The following INA variants were observed in gnomAD, a reference collection of about 807,000 sequenced individuals.
INA encodes the protein internexin neuronal intermediate filament protein alpha.
INA carries 35 observed loss-of-function variants against 40.1 expected under a neutral mutation model. The observed-to-expected ratio is 0.87, with a 90% CI of 0.67 to 1.16. The LOEUF is 1.16. INA is among the 50% of genes most tolerant of loss of function. The pLI is 0.00. For missense variants in INA, 594 were observed against 686.7 expected, an observed-to-expected ratio of 0.87 and a Z score of 1.51; for synonymous variants, 290 against 316.9, an observed-to-expected ratio of 0.92 and a Z score of 0.90.
chr10:103,277,193 C>G lies in INA; in HGVS notation c.-19C>G. 6.4e-7 allele frequency: 1 copy of G among 1,563,462 alleles called. No individual in the cohort carries two copies. The highest frequency in any genetic ancestry group is 1.2e-5 in the South Asian group (1 of 86,136). The stretch of plus-strand genomic sequence containing the variant: ...GTAGCTCGCGTTGAAGCCGCACGTC[C>G]GGCCCCGATCCCGGCACCATGAGCT... On this transcript the variant is annotated 5_prime_UTR_variant, in exon 1 of 3. Coordinates refer to ENST00000369849, the MANE Select transcript of INA (RefSeq NM_032727.4). This position sits in a 1 kb window ranked among gnomAD's most constrained non-coding sequence, Gnocchi z 5.6.
chr10:103,287,196 T>G, intron 2 of INA, 37 bp downstream of exon 2: 1 of 1,601,808 alleles, frequency 6.2e-7, no homozygotes, highest in Non-Finnish European at 8.5e-7. Flanking sequence ...GTAAATCCAG[T>G]CACCTAGGGG....
rs1018902052 is a variant in INA at position 103,278,371 on chromosome 10, A to G, written c.1065+95A>G. ...AAACTGGGCCCCAGGACTTAAGGGG[A>G]GGGCAAAAGAGAGGAGAGAAGAGCC... On this transcript the variant is annotated intron_variant, in intron 1 of 2. Coordinates refer to ENST00000369849, the MANE Select transcript of INA (RefSeq NM_032727.4). This position sits in a 1 kb window ranked among gnomAD's most constrained non-coding sequence, Gnocchi z 4.9. The G allele has an allele frequency of 4.4e-5, 45 of 1,031,600 alleles. No homozygotes were observed. Among genetic ancestry groups the G allele is most frequent in the Non-Finnish European group, 6.2e-5 (45 of 728,018 alleles). The allele number at this position is 1,031,600 out of a possible 1,614,324, so 63.9% of individuals were successfully genotyped here.
rs755214403 is a variant in INA, at chr10:103,277,166, C to T, written c.-46C>T. The T allele has an allele frequency of 5.2e-6, 8 of 1,529,922 alleles. No homozygotes were observed. Among genetic ancestry groups the T allele is most frequent in the African/African-American group, 1.4e-5 (1 of 69,214 alleles). 94.8% of individuals were successfully genotyped at this position (1,529,922 alleles called of 1,614,324 possible). A position where few individuals can be genotyped will look rare whatever the true frequency, so the allele number is the denominator to read the frequency against. The stretch of plus-strand genomic sequence containing the variant: ...CTGCCTGCCGCACCTCTCCTTTCTT[C>T]TGTAGCTCGCGTTGAAGCCGCACGT... On this transcript the variant is annotated 5_prime_UTR_variant, in exon 1 of 3. Coordinates refer to ENST00000369849, the MANE Select transcript of INA (RefSeq NM_032727.4). This position sits in a 1 kb window ranked among gnomAD's most constrained non-coding sequence, Gnocchi z 5.6.
chr10:103,281,880 T>A (rs1185869049), intron 1 of INA, among the ~76,000 whole-genome samples: 1 of 152,152 alleles, frequency 6.6e-6, no homozygotes, highest in Middle Eastern at 3.2e-3. Context: ...TTGTCTTAGC[T>A]CCTCCAGGAG....
chr10:103,280,919 A>C, intron 1 of INA: 1 of 985,416 alleles, frequency 1.0e-6, no homozygotes, highest in Non-Finnish European at 1.2e-6. Context: ...ACATTCTTGG[A>C]GGGTACTCAG....
At position 103,288,381 on chromosome 10, in the gene INA, G is replaced by A. The variant is rs1190616044; in HGVS notation, c.1212G>A (p.Glu404=). The A allele has an allele frequency of 4.4e-6, 7 of 1,600,752 alleles. No individual in the cohort carries two copies. The highest frequency in any genetic ancestry group is 5.9e-6 in the Non-Finnish European group (7 of 1,176,560). Residue 404 remains glutamate, a synonymous_variant, in exon 3 of 3, where the codon GAG becomes GAA. Coordinates refer to ENST00000369849, the MANE Select transcript of INA (RefSeq NM_032727.4). ...ACAGGAAACTGCTGGAAGGCGAGGA[G>A]ACACGTTTTAGCACCAGTGGGTTAA... ...AAYRKLLEGE[E]TRFSTSGLSI... is the part of the protein sequence containing the mutation.
chr10:103,286,249 C>T (rs779082372), intron 1 of INA, among the ~76,000 whole-genome samples: 6 of 148,126 alleles, frequency 4.1e-5, no homozygotes, highest in Non-Finnish European at 7.4e-5. Flanking sequence ...ACAGGAAGAT[C>T]GCTTGAGCCC....
Position 103,277,421 on chromosome 10 carries a change from G to A in INA, c.210G>A (p.Pro70=). 6.4e-7 allele frequency: 1 copy of A among 1,560,766 alleles called. No homozygotes were observed. Among genetic ancestry groups the A allele is most frequent in the Non-Finnish European group, 8.6e-7 (1 of 1,159,526 alleles). ...LGLGLAYRRP[P]ASDGLDLSQA... Reference sequence around the variant, plus strand: ...TCGGCCTGGCCTATCGCCGGCCGCCGGCGTCCGACGGGCTGGACCTGAGCC... The same window carrying A: ...TCGGCCTGGCCTATCGCCGGCCGCCAGCGTCCGACGGGCTGGACCTGAGCC... Residue 70 remains proline (P), a synonymous_variant, in exon 1 of 3, where the codon CCG becomes CCA. Coordinates refer to ENST00000369849, the MANE Select transcript of INA (RefSeq NM_032727.4). This position sits in a 1 kb window ranked among gnomAD's most constrained non-coding sequence, Gnocchi z 5.6.
At position 103,277,790 on chromosome 10, in the gene INA, G is replaced by A; in HGVS notation, c.579G>A (p.Glu193=). Residue 193 remains glutamate (E), a synonymous_variant, in exon 1 of 3, where the codon GAG becomes GAA. Transcript: ENST00000369849. The surrounding 1 kb of genome is among the most constrained non-coding windows in gnomAD (Gnocchi z 5.6). The part of the protein sequence containing the change: ...EEESRGREGA[E]RALKAQQRDV... ...AGAGCCGCGGACGCGAAGGCGCCGA[G>A]CGCGCCCTGAAGGCGCAGCAGCGCG... The A allele has an allele frequency of 6.6e-7, 1 of 1,516,000 alleles. No individual in the cohort carries two copies. Among genetic ancestry groups the A allele is most frequent in the Admixed American group, 2.1e-5 (1 of 47,672 alleles). 93.9% of individuals were successfully genotyped at this position (1,516,000 alleles called of 1,614,324 possible). A position where few individuals can be genotyped will look rare whatever the true frequency, so the allele number is the denominator to read the frequency against.
chr10:103,285,959 C>G (rs1408711204), intron 1 of INA, among the ~76,000 whole-genome samples: 1 of 151,784 alleles, frequency 6.6e-6, no homozygotes, highest in Non-Finnish European at 1.5e-5. Context: ...ATGTAAAGAC[C>G]GGCATTTTAG....
rs2093062729 is a variant in INA at position 103,277,653 on chromosome 10, C to G, written c.442C>G (p.Arg148Gly). 7.2e-7 allele frequency: 1 copy of G among 1,389,496 alleles called. No homozygotes were observed. The highest frequency in any genetic ancestry group is 9.3e-7 in the Non-Finnish European group (1 of 1,079,382). The allele number at this position is 1,389,496 out of a possible 1,614,324, so 86.1% of individuals were successfully genotyped here. A position where few individuals can be genotyped will look rare whatever the true frequency, so the allele number is the denominator to read the frequency against. Residue 148 changes from arginine (R) to glycine (G), a missense_variant, in exon 1 of 3, where the codon CGC becomes GGC. Around this residue, in one of 2 missense-constraint regions of INA, gnomAD observed 379 missense variants for 496.1 expected, o/e 0.76. Transcript: ENST00000369849. The surrounding 1 kb of genome is among the most constrained non-coding windows in gnomAD (Gnocchi z 5.6). The stretch of plus-strand genomic sequence containing the variant: ...CGGCGAGCTCTTCCAGCGCGAGCTG[C>G]GCGACCTGCGCGCGCAGCTGGAGGA... ...RVGELFQRELRDLRAQLEEAS... is the reference protein window; with the variant it reads ...RVGELFQRELGDLRAQLEEAS...
chr10:103,286,145 T>C (rs2133537509), intron 1 of INA, among the ~76,000 whole-genome samples: 1 of 151,878 alleles, frequency 6.6e-6, no homozygotes, highest in South Asian at 2.1e-4. Flanking sequence ...CTGGACAACA[T>C]AATGAGACCT....
Position 103,288,350 on chromosome 10 carries a change from G to T in INA, c.1191-10G>T. The T allele has an allele frequency of 6.3e-7, 1 of 1,584,220 alleles. No homozygotes were observed. The highest frequency in any genetic ancestry group is 1.1e-5 in the South Asian group (1 of 87,520). On this transcript the variant is annotated splice_polypyrimidine_tract_variant and intron_variant, in intron 2 of 2. Transcript: ENST00000369849. ...GACTTCCTAAGAGTTTTTCTCTGTT[G>T]AATTTACAGGAAACTGCTGGAAGGC... is the stretch of plus-strand genomic sequence containing the variant.
intron 1 of INA, among the ~76,000 whole-genome samples, chr10:103,285,344 G>A (rs1461997966): frequency 1.3e-5 from 2 of 149,742 alleles, no homozygotes; most frequent in Non-Finnish European, 1.5e-5. Context: ...TGCCCAAGCT[G>A]GAGTGCGGTG....
At chr10:103,283,146 A>G (rs942283254) in intron 1 of INA, among the ~76,000 whole-genome samples, 2 of 152,352 alleles carry the variant, frequency 1.3e-5, no homozygotes, top group South Asian at 2.1e-4. Flanking sequence ...CTGAGGTCCA[A>G]TGGATGTTAG....
rs372908458 is a variant in INA at position 103,277,388 on chromosome 10, G to T, written c.177G>T (p.Ser59=). The change falls in exon 1 of 3, where the codon TCG becomes TCT. Residue 59 remains serine, a synonymous_variant. Coordinates refer to ENST00000369849, the MANE Select transcript of INA (RefSeq NM_032727.4). The surrounding 1 kb of genome is among the most constrained non-coding windows in gnomAD (Gnocchi z 5.6). ...CGGCCGCCTGCTCCTCGGCCTCGTC[G>T]CTCGGCCTCGGCCTGGCCTATCGCC... The part of the protein sequence containing the change: ...ASSAACSSAS[S]LGLGLAYRRP... 595 of 1,560,714 alleles carry T rather than the reference G, an allele frequency of 3.8e-4. 2 individuals are homozygous for T. In the African/African-American group the frequency reaches 7.4e-3, roughly 19 times the overall value.
At chr10:103,279,395 G>A (rs1469099612) in intron 1 of INA, among the ~76,000 whole-genome samples, 1 of 151,970 alleles carries the variant, frequency 6.6e-6, no homozygotes, top group East Asian at 1.9e-4. Flanking sequence ...GTATTGATTG[G>A]CTATTTCTTC....
In INA at chr10:103,277,719, G is replaced by C. The variant is rs2093063080; in HGVS notation, c.508G>C (p.Gly170Arg). The change falls in exon 1 of 3, where the codon GGG becomes CGG. Residue 170 changes from glycine (G) to arginine (R), a missense_variant. Gly to Arg is a moderately radical substitution (Grantham distance 125). Coordinates refer to ENST00000369849, the MANE Select transcript of INA (RefSeq NM_032727.4). The surrounding 1 kb of genome is among the most constrained non-coding windows in gnomAD (Gnocchi z 5.6). ...CTCGCAGGCCCTGCTGGAGCGCGAC[G>C]GGCTGGCGGAGGAGGTGCAGCGGCT... Reference protein sequence around the residue: ...ARSQALLERDGLAEEVQRLRA... With the variant: ...ARSQALLERDRLAEEVQRLRA... The C allele has an allele frequency of 7.2e-7, 1 of 1,388,792 alleles. No homozygotes were observed. The highest frequency in any genetic ancestry group is 1.7e-5 in the South Asian group (1 of 60,260). The allele number at this position is 1,388,792 out of a possible 1,614,324, so 86.0% of individuals were successfully genotyped here. A position where few individuals can be genotyped will look rare whatever the true frequency, so the allele number is the denominator to read the frequency against.
chr10:103,284,426 A>G (rs1434183977), intron 1 of INA, among the ~76,000 whole-genome samples: 2 of 152,352 alleles, frequency 1.3e-5, no homozygotes, highest in East Asian at 3.9e-4. Context: ...ACTCTGTTAT[A>G]GAGGAAAGCA....
Sources: gnomAD v4.1 joint callset for allele counts (sites outside exome capture counted in the v4.1 genomes callset) on GRCh38, gnomAD v4.1.1 for gene constraint, gnomAD v4.1.1 regional missense constraint, Gnocchi (gnomAD v3.1) non-coding constraint, MANE v1.5 for transcripts, NCBI Gene and HGNC (gene_info 2026-07-23, HGNC 2026-07-21) for gene names.